IPO11: variants seen among roughly 807,000 people sequenced by gnomAD.
IPO11 encodes the protein importin 11.
In IPO11, 66 loss-of-function variants were observed where a neutral mutation model predicts 143.2. The observed-to-expected ratio is 0.46, with a 90% confidence interval of 0.38 to 0.57. The LOEUF is 0.57. Among genes scored for constraint, IPO11 ranks in the 20% least tolerant of loss-of-function variants. IPO11 has a pLI of 0.00. For missense variants in IPO11, 1,026 were observed against 1,141.0 expected, an observed-to-expected ratio of 0.90 and a Z score of 1.45; for synonymous variants, 385 against 377.8, an observed-to-expected ratio of 1.02 and a Z score of -0.22.
At chr5:62,519,902 T>G (rs1193937477) in intron 20 of IPO11, among the ~76,000 whole-genome samples, 1 of 152,166 alleles carries the variant, frequency 6.6e-6, no homozygotes, top group Non-Finnish European at 1.5e-5. Flanking sequence ...AGGTCCCAGT[T>G]TACTTGCTAG....
intron 27 of IPO11, chr5:62,578,790 C>CT: frequency 2.8e-6 from 1 of 357,104 alleles, no homozygotes; most frequent in Non-Finnish European, 5.5e-6. Context: ...CAAACGGTGA[C>CT]TTAAAAAAAA....
At chr5:62,550,204 T>G (rs1364094070) in intron 24 of IPO11, among the ~76,000 whole-genome samples, 163 bp from the exon 25 acceptor site, 1 of 152,208 alleles carries the variant, frequency 6.6e-6, no homozygotes, top group Non-Finnish European at 1.5e-5. Context: ...TGGATTATCT[T>G]GTAAAAGTGT....
At chr5:62,512,580 T>TTTG (rs1314272984) in intron 19 of IPO11, 54 of 559,908 alleles carry the variant, frequency 9.6e-5, no homozygotes, top group Admixed American at 2.2e-4. Flanking sequence ...AGGACTTTTT[T>TTTG]TTGTTGTTGT....
intron 3 of IPO11, among the ~76,000 whole-genome samples, chr5:62,449,070 G>C (rs1044090148): frequency 2.6e-5 from 4 of 152,052 alleles, no homozygotes; most frequent in African/African-American, 9.7e-5. Flanking sequence ...GACTTGTTCT[G>C]TTGCTCAGGC....
intron 27 of IPO11, among the ~76,000 whole-genome samples, chr5:62,565,451 A>C (rs1332732670): frequency 6.6e-6 from 1 of 152,154 alleles, no homozygotes; most frequent in East Asian, 1.9e-4. Context: ...GCGCCACTGC[A>C]CTCCAGCCTG....
intron 24 of IPO11, among the ~76,000 whole-genome samples, chr5:62,547,174 G>A (rs1422981407): frequency 1.3e-5 from 2 of 152,058 alleles, no homozygotes; most frequent in Admixed American, 6.6e-5. Flanking sequence ...TACAAAAAAA[G>A]TAAGTTTGTA....
intron 24 of IPO11, among the ~76,000 whole-genome samples, chr5:62,545,496 C>A (rs1410193847): frequency 6.6e-6 from 1 of 152,152 alleles, no homozygotes; most frequent in Non-Finnish European, 1.5e-5. Context: ...CATAAAAACC[C>A]TAGAAGAAAA....
chr5:62,551,237 G>A lies in IPO11; in HGVS notation c.2361G>A (p.Val787=), dbSNP rs1482333412. The change falls in exon 26 of 30, where the codon GTG becomes GTA. Residue 787 remains valine (V), a synonymous_variant. Transcript: ENST00000325324. ...TAATTGTACAGAGGTATCCTGTAGT[G>A]ATGTCCACGTATCTTGGAGTTATGG... ...GIIEGERYPV[V]MSTYLGVMGR... is the part of the protein sequence containing the mutation. The A allele has an allele frequency of 6.3e-7, 1 of 1,599,258 alleles. No individual in the cohort carries two copies. Among genetic ancestry groups the A allele is most frequent in the African/African-American group, 1.3e-5 (1 of 74,680 alleles).
rs750467704 is a variant in IPO11, at chr5:62,551,313, A to G, written c.2437A>G (p.Met813Val). ...TTTTTTTTCTTCACTACTTAATGAG[A>G]TGGCCCATAAATTTAATCAGGAGGT... ...TSFFSSLLNE[M>V]AHKFNQEMDQ... Residue 813 changes from methionine to valine, a missense_variant, in exon 26 of 30, where the codon ATG becomes GTG. By Grantham distance (21) the Met-to-Val change is conservative. Transcript: ENST00000325324. The G allele has an allele frequency of 3.9e-5, 62 of 1,592,234 alleles. No individual in the cohort carries two copies. The highest frequency in any genetic ancestry group is 3.9e-4 in the Middle Eastern group (2 of 5,100).
chr5:62,483,315 T>G (rs1041364536), intron 10 of IPO11, 22 bp downstream of exon 10: 2 of 1,389,204 alleles, frequency 1.4e-6, no homozygotes, highest in Non-Finnish European at 2.0e-6. Context: ...ATTGGCAGTT[T>G]AAAAGAATTA....
intron 5 of IPO11, among the ~76,000 whole-genome samples, chr5:62,454,357 C>T (rs1428848206): frequency 6.6e-6 from 1 of 152,140 alleles, no homozygotes; most frequent in Non-Finnish European, 1.5e-5. Flanking sequence ...CCCTTCACTT[C>T]TAGGACTTAC....
At chr5:62,532,323 T>TA (rs1187563717) in intron 22 of IPO11, among the ~76,000 whole-genome samples, 1 of 152,044 alleles carries the variant, frequency 6.6e-6, no homozygotes, top group Non-Finnish European at 1.5e-5. Context: ...TGCTCTAGTG[T>TA]AGTGGTTTTT....
rs186389194 is a variant in IPO11 at position 62,581,543 on chromosome 5, A to G, written c.2583-10034A>G. On this transcript the variant is annotated intron_variant, in intron 27 of 29. Transcript: ENST00000325324. ...TTTCTGTGTATCAAGCACTGTGCCAAATATTTCACATTTCACATTTAATCT... is the reference window on the plus strand; with the variant it reads ...TTTCTGTGTATCAAGCACTGTGCCAGATATTTCACATTTCACATTTAATCT... 3.0e-3 allele frequency: 1,150 copies of G among 384,504 alleles called. 5 individuals carry two copies. Among genetic ancestry groups the G allele is most frequent in the South Asian group, 4.7e-3 (66 of 14,182 alleles). 23.8% of individuals were successfully genotyped at this position (384,504 alleles called of 1,614,324 possible).
chr5:62,528,363 G>A lies in IPO11; in HGVS notation c.2012+2106G>A, dbSNP rs188275807. On this transcript the variant is annotated intron_variant, in intron 21 of 29. Transcript: ENST00000325324. ...GTGGTAAGAACAGAAATTAGAATTG[G>A]AATAGACTGAAGAATGAATTGAAGG... 1.6e-4 allele frequency among the ~76,000 whole-genome samples: 24 copies of A among 152,292 alleles called. 1 individual carries two copies. The highest frequency in any genetic ancestry group is 9.2e-4 in the Admixed American group (14 of 15,286).
chr5:62,467,679 CT>C (rs1745618997), intron 6 of IPO11, among the ~76,000 whole-genome samples: 1 of 152,188 alleles, frequency 6.6e-6, no homozygotes, highest in Admixed American at 6.5e-5. Context: ...AAGCCTCCAT[CT>C]TTCATCTTAG....
intron 26 of IPO11, among the ~76,000 whole-genome samples, chr5:62,557,140 T>C (rs1743601342): frequency 2.0e-5 from 3 of 152,196 alleles, no homozygotes; most frequent in Non-Finnish European, 4.4e-5. Flanking sequence ...CTAAACATTA[T>C]TGTCAGTGTC....
intron 1 of IPO11, among the ~76,000 whole-genome samples, chr5:62,420,476 C>A (rs547229616): frequency 1.9e-3 from 291 of 152,076 alleles, no homozygotes; most frequent in African/African-American, 6.7e-3. Context: ...TGATTTACTA[C>A]GACTTAGGAT....
At chr5:62,611,079 A>C (rs192111162) in intron 29 of IPO11, among the ~76,000 whole-genome samples, 9 of 152,318 alleles carry the variant, frequency 5.9e-5, no homozygotes, top group Admixed American at 1.3e-4. Context: ...TGAAACATAC[A>C]AAAAGCCATT....
At chr5:62,494,928 T>C (rs1171916240) in intron 16 of IPO11, among the ~76,000 whole-genome samples, 1 of 152,162 alleles carries the variant, frequency 6.6e-6, no homozygotes, top group Non-Finnish European at 1.5e-5. Context: ...CCCCAAATTT[T>C]ATTTTTAGTT....
Sources: allele counts gnomAD v4.1 joint callset (sites outside exome capture counted in the v4.1 genomes callset), GRCh38; gene constraint gnomAD v4.1.1; transcripts MANE v1.5; gene names NCBI Gene and HGNC (gene_info 2026-07-23, HGNC 2026-07-21).